The following THEMIS variants were observed in gnomAD, a reference collection of about 807,000 sequenced individuals.
THEMIS encodes thymocyte selection associated, also known as protein THEMIS.
In THEMIS, 37 loss-of-function variants were observed where a neutral mutation model predicts 52.6. That is an observed-to-expected ratio of 0.70 (90% CI 0.54 to 0.93). The LOEUF is 0.93. THEMIS is among the 40% of genes least tolerant of loss of function. The pLI is 0.00. For missense variants in THEMIS, 808 were observed against 763.1 expected, an observed-to-expected ratio of 1.06 and a Z score of -0.69; for synonymous variants, 292 against 272.7, an observed-to-expected ratio of 1.07 and a Z score of -0.70.
chr6:127,779,076 G>T (rs1038215318), intron 4 of THEMIS, among the ~76,000 whole-genome samples: 4 of 152,166 alleles, frequency 2.6e-5, no homozygotes, highest in Non-Finnish European at 1.5e-5. Context: ...GAAAATTTCT[G>T]CAGAAAACTG....
intron 1 of THEMIS, among the ~76,000 whole-genome samples, chr6:127,862,400 T>G (rs1779831777): frequency 6.7e-6 from 1 of 148,454 alleles, no homozygotes; most frequent in Non-Finnish European, 1.5e-5. Context: ...TCCAAAGCCA[T>G]AAGCAGGTGA....
chr6:127,784,650 T>A (rs2114494964), intron 4 of THEMIS, among the ~76,000 whole-genome samples: 1 of 152,286 alleles, frequency 6.6e-6, no homozygotes, highest in Non-Finnish European at 1.5e-5. Context: ...GAAATGTTTC[T>A]TTTGTTTTTT....
chr6:127,731,516 T>C (rs889279554), intron 4 of THEMIS, among the ~76,000 whole-genome samples: 1 of 151,952 alleles, frequency 6.6e-6, no homozygotes, highest in Non-Finnish European at 1.5e-5. Flanking sequence ...TATTCTAAGC[T>C]GTGACATGTA....
At chr6:127,802,555 G>A (rs1415990634) in intron 4 of THEMIS, among the ~76,000 whole-genome samples, 2 of 152,162 alleles carry the variant, frequency 1.3e-5, no homozygotes, top group African/African-American at 4.8e-5. Flanking sequence ...GTTCCTAGAA[G>A]TGAATTTGAT....
At chr6:127,761,917 A>G (rs1422383623) in intron 4 of THEMIS, among the ~76,000 whole-genome samples, 2 of 152,154 alleles carry the variant, frequency 1.3e-5, no homozygotes, top group Non-Finnish European at 2.9e-5. Context: ...TATCCAAAAG[A>G]ACTGAAATCG....
intron 4 of THEMIS, among the ~76,000 whole-genome samples, chr6:127,811,250 G>A (rs1187761973): frequency 6.6e-6 from 1 of 152,074 alleles, no homozygotes; most frequent in East Asian, 1.9e-4. Context: ...TTATTTTACA[G>A]TCCTATAGGT....
chr6:127,909,858 C>G (rs977040468), intron 1 of THEMIS: 1 of 152,060 alleles, frequency 6.6e-6, no homozygotes, highest in African/African-American at 2.4e-5. Context: ...GATACATCAG[C>G]AATACATGGT....
At chr6:127,901,816 A>T (rs1781141272), upstream of THEMIS, among the ~76,000 whole-genome samples, 1 of 152,024 alleles carries the variant, frequency 6.6e-6, no homozygotes, top group Non-Finnish European at 1.5e-5. Context: ...TAAATTTTAT[A>T]ATTTCTTCCA....
intron 4 of THEMIS, among the ~76,000 whole-genome samples, chr6:127,788,729 T>C (rs1355965857): frequency 2.0e-5 from 3 of 152,198 alleles, no homozygotes; most frequent in African/African-American, 7.2e-5. Context: ...TATTACAGTG[T>C]ATAAATTCTA....
intron 4 of THEMIS, among the ~76,000 whole-genome samples, chr6:127,749,288 A>G (rs172008): frequency 0.27 from 40,826 of 151,842 alleles, 6,947 homozygotes; most frequent in Non-Finnish European, 0.39. Context: ...GTGCATAAAG[A>G]TATGTGGTGA....
At chr6:127,842,048 A>T (rs1332611817) in intron 2 of THEMIS, among the ~76,000 whole-genome samples, 2 of 152,030 alleles carry the variant, frequency 1.3e-5, no homozygotes, top group Admixed American at 6.6e-5. Context: ...AACAGTAGCA[A>T]CTTCTGACTT....
chr6:127,748,433 G>T (rs1427146987), intron 4 of THEMIS, among the ~76,000 whole-genome samples: 2 of 151,962 alleles, frequency 1.3e-5, no homozygotes, highest in Admixed American at 6.6e-5. Flanking sequence ...CACTCTCACT[G>T]CAACTAATCC....
At chr6:127,820,667 A>AT (rs745754772) in intron 3 of THEMIS, among the ~76,000 whole-genome samples, 2 of 152,132 alleles carry the variant, frequency 1.3e-5, no homozygotes, top group South Asian at 4.1e-4. Context: ...CTTTCTTTCT[A>AT]TACTAAGTGC....
intron 4 of THEMIS, among the ~76,000 whole-genome samples, chr6:127,808,930 G>T (rs1777810079): frequency 6.6e-6 from 1 of 152,150 alleles, no homozygotes; most frequent in Non-Finnish European, 1.5e-5. Flanking sequence ...GCAGATACCT[G>T]CTATAGGTTA....
At chr6:127,904,750 C>T (rs1000156584), upstream of THEMIS, among the ~76,000 whole-genome samples, 4 of 151,968 alleles carry the variant, frequency 2.6e-5, no homozygotes, top group Non-Finnish European at 5.9e-5. Flanking sequence ...TTTTGATAAA[C>T]ATGTTCAAAA....
chr6:127,728,295 C>T (rs531173275), intron 4 of THEMIS, among the ~76,000 whole-genome samples: 23 of 152,140 alleles, frequency 1.5e-4, no homozygotes, highest in South Asian at 6.2e-4. Context: ...TTTTTGGGGG[C>T]GTTGTTTTGG....
At position 127,829,573 on chromosome 6, in the gene THEMIS, A is replaced by G. The variant is rs140145051; in HGVS notation, c.612T>C (p.Asp204=). 2,418 of 1,614,104 alleles carry G rather than the reference A, an allele frequency of 1.5e-3. 4 individuals are homozygous for G. Among genetic ancestry groups the G allele is most frequent in the Non-Finnish European group, 1.9e-3 (2,224 of 1,179,996 alleles). Residue 204 remains aspartate, a synonymous_variant, in exon 3 of 6, where the codon GAT becomes GAC. Coordinates refer to ENST00000368248, the MANE Select transcript of THEMIS (RefSeq NM_001010923.3). ...TCGTTGAGTCCCACTTATTTGAAAA[A>G]TCTGTAAGGTTTACAGTTCTTGTTC... The part of the protein sequence containing the change: ...KNRTRTVNLT[D]FSNKWDSTNP...
At chr6:127,850,498 A>T (rs567031908) in intron 2 of THEMIS, among the ~76,000 whole-genome samples, 3 of 151,946 alleles carry the variant, frequency 2.0e-5, no homozygotes, top group African/African-American at 7.2e-5. Context: ...ACTGTCCATC[A>T]ACCAACAAAT....
intron 1 of THEMIS, among the ~76,000 whole-genome samples, chr6:127,898,959 T>C (rs934703552): frequency 1.3e-5 from 2 of 151,624 alleles, no homozygotes; most frequent in South Asian, 4.1e-4. Context: ...GGCTACCAGG[T>C]GCTGGGAAGG....
Sources: gnomAD v4.1 joint callset for allele counts (sites outside exome capture counted in the v4.1 genomes callset) on GRCh38, gnomAD v4.1.1 for gene constraint, MANE v1.5 for transcripts, NCBI Gene and HGNC (gene_info 2026-07-23, HGNC 2026-07-21) for gene names.